The following PRKN variants were observed in gnomAD, a reference collection of about 807,000 sequenced individuals.
PRKN encodes the protein parkin RBR E3 ubiquitin protein ligase.
PRKN carries 56 observed loss-of-function variants against 59.5 expected under a neutral mutation model. That is an observed-to-expected ratio of 0.94 (90% confidence interval 0.76 to 1.18). PRKN has a LOEUF of 1.18. Among genes scored for constraint, PRKN ranks in the 50% most tolerant of loss-of-function variants. The pLI, the probability that PRKN is intolerant of heterozygous loss-of-function variation, is 0.00. For missense variants in PRKN, 657 were observed against 596.4 expected, an observed-to-expected ratio of 1.10 and a Z score of -1.06; for synonymous variants, 250 against 222.1, an observed-to-expected ratio of 1.13 and a Z score of -1.12.
chr6:162,423,578 T>A (rs1207413562), intron 2 of PRKN, among the ~76,000 whole-genome samples: 1 of 152,164 alleles, frequency 6.6e-6, no homozygotes, highest in African/African-American at 2.4e-5. Context: ...GTATATAATC[T>A]GCTGAGTGTG....
intron 1 of PRKN, among the ~76,000 whole-genome samples, chr6:162,648,463 C>T (rs9458629): frequency 0.19 from 29,261 of 150,814 alleles, 3,480 homozygotes; most frequent in East Asian, 0.47. Context: ...CTCACTGCAA[C>T]CTCCGCCCGC....
intron 6 of PRKN, among the ~76,000 whole-genome samples, chr6:161,966,789 G>A (rs569647629): frequency 6.6e-6 from 1 of 152,350 alleles, no homozygotes; most frequent in South Asian, 2.1e-4. Flanking sequence ...CTGGTTCCCA[G>A]ATAGTTCACT....
At chr6:162,601,574 G>A (rs375281733) in intron 1 of PRKN, among the ~76,000 whole-genome samples, 1 of 151,904 alleles carries the variant, frequency 6.6e-6, no homozygotes, top group African/African-American at 2.4e-5. Flanking sequence ...CCCTTTCCTC[G>A]AACCCTCTTC....
intron 4 of PRKN, among the ~76,000 whole-genome samples, chr6:162,080,840 C>G (rs1181455046): frequency 6.6e-6 from 1 of 152,076 alleles, no homozygotes; most frequent in Non-Finnish European, 1.5e-5. Flanking sequence ...GCAGAACCTT[C>G]AAAACTGGAG....
chr6:162,115,791 C>T (rs1780647758), intron 4 of PRKN, among the ~76,000 whole-genome samples: 1 of 152,140 alleles, frequency 6.6e-6, no homozygotes, highest in East Asian at 1.9e-4. Context: ...TCCCTACTTC[C>T]CAGCTGTAAC....
chr6:161,854,084 T>TAAAAAA (rs34040894), intron 6 of PRKN, among the ~76,000 whole-genome samples: 5 of 103,660 alleles, frequency 4.8e-5, no homozygotes, highest in Non-Finnish European at 5.8e-5. Context: ...TGTTTCTACA[T>TAAAAAA]AAAAAAAAAA....
chr6:162,611,076 A>C (rs1782125961), intron 1 of PRKN, among the ~76,000 whole-genome samples: 1 of 152,192 alleles, frequency 6.6e-6, no homozygotes, highest in Non-Finnish European at 1.5e-5. Context: ...TCACTGGAGA[A>C]ATAATGTGTT....
At chr6:161,992,895 T>G (rs2128259133) in intron 5 of PRKN, among the ~76,000 whole-genome samples, 1 of 152,166 alleles carries the variant, frequency 6.6e-6, no homozygotes, top group Middle Eastern at 3.4e-3. Flanking sequence ...AACCAAAAAA[T>G]TTCTTGAGAG....
At chr6:162,147,581 A>G (rs12202992) in intron 4 of PRKN, among the ~76,000 whole-genome samples, 46,322 of 151,942 alleles carry the variant, frequency 0.3, 7,362 homozygotes, top group Middle Eastern at 0.39. Context: ...ACACCCTACT[A>G]AATATGATTT....
intron 4 of PRKN, among the ~76,000 whole-genome samples, chr6:162,073,435 GT>G (rs1009651314): frequency 2.2e-4 from 34 of 152,148 alleles, no homozygotes; most frequent in African/African-American, 8.2e-4. Context: ...ATAGCTTTGG[GT>G]TTTTTTGTTG....
chr6:161,968,128 A>T (rs1228379654), intron 6 of PRKN, among the ~76,000 whole-genome samples: 1 of 150,250 alleles, frequency 6.7e-6, no homozygotes, highest in Non-Finnish European at 1.5e-5. Flanking sequence ...TCAAGCGATT[A>T]TCCTGCCTCA....
intron 10 of PRKN, among the ~76,000 whole-genome samples, chr6:161,368,113 C>T (rs1785282459): frequency 6.6e-6 from 1 of 151,472 alleles, no homozygotes; most frequent in African/African-American, 2.4e-5. Context: ...TCCCCGGGGA[C>T]TTTTGAGAGC....
intron 5 of PRKN, among the ~76,000 whole-genome samples, chr6:161,988,191 T>A (rs1353918698): frequency 6.6e-6 from 1 of 152,174 alleles, no homozygotes; most frequent in Admixed American, 6.5e-5. Context: ...AATTTTTTTT[T>A]TAATCTAAAG....
intron 6 of PRKN, among the ~76,000 whole-genome samples, chr6:161,856,361 A>AAAATAAATAAAT (rs113381073): frequency 0.017 from 2,545 of 149,426 alleles, 73 homozygotes; most frequent in African/African-American, 0.06. Context: ...ATGCCATCTC[A>AAAATAAATAAAT]AAATAAATAA....
chr6:161,589,796 T>G (rs1583267333), intron 7 of PRKN, among the ~76,000 whole-genome samples: 2 of 137,236 alleles, frequency 1.5e-5, no homozygotes, highest in Non-Finnish European at 1.6e-5. Flanking sequence ...TTTTTTTTTT[T>G]GGAGACAGGG....
intron 1 of PRKN, among the ~76,000 whole-genome samples, chr6:162,677,350 C>G (rs767468967): frequency 6.6e-6 from 1 of 151,140 alleles, no homozygotes; most frequent in Non-Finnish European, 1.5e-5. Context: ...CTTCCTTTTG[C>G]ACCTTTCGAA....
intron 6 of PRKN, among the ~76,000 whole-genome samples, chr6:161,877,590 A>G (rs1794779856): frequency 6.6e-6 from 1 of 151,262 alleles, no homozygotes; most frequent in Admixed American, 6.6e-5. Flanking sequence ...CTCTTGAGTA[A>G]CTGAGACTAC....
chr6:162,104,759 T>C (rs764641154), intron 4 of PRKN, among the ~76,000 whole-genome samples: 3 of 152,094 alleles, frequency 2.0e-5, no homozygotes, highest in African/African-American at 2.4e-5. Context: ...AGTCAAGAAA[T>C]GTTTCAGGAG....
chr6:161,472,095 A>C (rs1304842747), intron 9 of PRKN, among the ~76,000 whole-genome samples: 1 of 152,150 alleles, frequency 6.6e-6, no homozygotes, highest in Non-Finnish European at 1.5e-5. Flanking sequence ...TGTTTTGTAG[A>C]GTTGGTAATC....
Sources: allele counts gnomAD v4.1 joint callset (sites outside exome capture counted in the v4.1 genomes callset), GRCh38; gene constraint gnomAD v4.1.1; transcripts MANE v1.5; gene names NCBI Gene and HGNC (gene_info 2026-07-23, HGNC 2026-07-21).